The following CEACAM18 variants were observed in gnomAD, a reference collection of about 807,000 sequenced individuals.
CEACAM18 encodes the protein cell adhesion molecule CEACAM18.
CEACAM18 carries 33 observed loss-of-function variants against 34.3 expected under a neutral mutation model. The observed-to-expected ratio is 0.96, with a 90% CI of 0.73 to 1.29. The LOEUF (loss-of-function observed/expected upper bound fraction) is 1.29, where lower values mean the gene tolerates loss of function less well. Ranked by LOEUF, CEACAM18 falls within the 50% of genes most tolerant of loss-of-function variation. The pLI, the probability that CEACAM18 is intolerant of heterozygous loss-of-function variation, is 0.00. For missense variants in CEACAM18, 474 were observed against 485.0 expected, an observed-to-expected ratio of 0.98 and a Z score of 0.21; for synonymous variants, 169 against 180.9, an observed-to-expected ratio of 0.93 and a Z score of 0.53.
At chr19:51,489,446 C>A (rs1398829559) in intron 5 of CEACAM18, among the ~76,000 whole-genome samples, 1 of 151,918 alleles carries the variant, frequency 6.6e-6, no homozygotes, top group Non-Finnish European at 1.5e-5. Context: ...TGGATACCAC[C>A]CAAAAGGCAC....
intron 5 of CEACAM18, among the ~76,000 whole-genome samples, chr19:51,486,522 C>T (rs367803430): frequency 3.2e-4 from 48 of 151,444 alleles, no homozygotes; most frequent in Admixed American, 1.4e-3. Flanking sequence ...TAGGAGCAGC[C>T]GATGGAACTA....
intron 2 of CEACAM18, 140 bp from the exon 3 acceptor site, chr19:51,481,253 C>T: frequency 1.1e-6 from 1 of 910,202 alleles, no homozygotes; most frequent in East Asian, 2.6e-5. Context: ...CTGCCCTTCT[C>T]AGCTCCCTTG....
chr19:51,482,992 T>G, intron 3 of CEACAM18, 25 bp from the exon 4 acceptor site: 1 of 1,608,432 alleles, frequency 6.2e-7, no homozygotes, highest in South Asian at 1.1e-5. Context: ...AAACATAGCC[T>G]GGGCCTCCTA....
chr19:51,484,840 C>T lies in CEACAM18; in HGVS notation c.954-147C>T, dbSNP rs563812813. 6 of 990,676 alleles carry T rather than the reference C, an allele frequency of 6.1e-6. No individual in the cohort carries two copies. In the African/African-American group the frequency reaches 9.6e-5, roughly 16 times the overall value. The allele number at this position is 990,676 out of a possible 1,614,324, so 61.4% of individuals were successfully genotyped here. A position where few individuals can be genotyped will look rare whatever the true frequency, so the allele number is the denominator to read the frequency against. On this transcript the variant is annotated intron_variant, in intron 4 of 5. Transcript: ENST00000396477. ...TACAGGGAGTTTGTTTTGTTGGCTGCTGAATCCCTCGTACCTGGAACAGTG... is the reference window on the plus strand; with the variant it reads ...TACAGGGAGTTTGTTTTGTTGGCTGTTGAATCCCTCGTACCTGGAACAGTG...
chr19:51,478,609 G>A, upstream of CEACAM18: 1 of 1,572,212 alleles, frequency 6.4e-7, no homozygotes, highest in South Asian at 1.2e-5. Context: ...TGTCTCTGGA[G>A]GGACCCCTCC....
At chr19:51,484,161 T>A (rs780653957) in intron 4 of CEACAM18, among the ~76,000 whole-genome samples, 33 of 152,086 alleles carry the variant, frequency 2.2e-4, no homozygotes, top group Admixed American at 1.0e-3. Flanking sequence ...CAGAAGACAT[T>A]ACAGGATGTG....
At chr19:51,486,715 TTTTC>T (rs1416544750) in intron 5 of CEACAM18, among the ~76,000 whole-genome samples, 2 of 140,136 alleles carry the variant, frequency 1.4e-5, no homozygotes, top group Admixed American at 7.1e-5. Flanking sequence ...TCTTTCTTTC[TTTTC>T]TTTCTTTTTT....
chr19:51,480,728 G>T, intron 2 of CEACAM18, 48 bp downstream of exon 2: 2 of 1,513,294 alleles, frequency 1.3e-6, no homozygotes, highest in Non-Finnish European at 1.8e-6. Context: ...AGAGCTAGAT[G>T]TGACACATTT....
At chr19:51,480,303 C>A (rs1989887647) in intron 1 of CEACAM18, 30 bp from the exon 2 acceptor site, 1 of 1,514,030 alleles carries the variant, frequency 6.6e-7, no homozygotes, top group Non-Finnish European at 9.0e-7. Context: ...TTGTGAATTT[C>A]TCTCTGTCTT....
intron 2 of CEACAM18, 36 bp from the exon 3 acceptor site, chr19:51,481,357 C>T (rs1331190075): frequency 3.1e-6 from 5 of 1,600,902 alleles, no homozygotes; most frequent in Non-Finnish European, 4.3e-6. Flanking sequence ...AAGCAGACCC[C>T]ACTTGTAATT....
chr19:51,486,710 C>CTTTTTTTTTTTTTTTTTT (rs1327201659), intron 5 of CEACAM18, among the ~76,000 whole-genome samples: 1 of 144,436 alleles, frequency 6.9e-6, no homozygotes, highest in Non-Finnish European at 1.5e-5. Flanking sequence ...TTCTTTCTTT[C>CTTTTTTTTTTTTTTTTTT]TTTCTTTTCT....
At chr19:51,486,409 G>T (rs76296143) in intron 5 of CEACAM18, among the ~76,000 whole-genome samples, 2 of 152,088 alleles carry the variant, frequency 1.3e-5, no homozygotes, top group African/African-American at 2.4e-5. Context: ...TAGACCAAGG[G>T]TGCAGCTGGG....
At chr19:51,487,817 G>A (rs375038195) in intron 5 of CEACAM18, among the ~76,000 whole-genome samples, 1 of 152,134 alleles carries the variant, frequency 6.6e-6, no homozygotes. Context: ...TGAAGAAAAG[G>A]CCTGTAACAT....
chr19:51,488,903 C>T (rs1388279391), intron 5 of CEACAM18, among the ~76,000 whole-genome samples: 1 of 151,958 alleles, frequency 6.6e-6, no homozygotes, highest in Non-Finnish European at 1.5e-5. Context: ...TTACGACTAT[C>T]TTGATATAAA....
At chr19:51,480,008 C>T (rs1193107333) in intron 1 of CEACAM18, among the ~76,000 whole-genome samples, 1 of 152,110 alleles carries the variant, frequency 6.6e-6, no homozygotes, top group Non-Finnish European at 1.5e-5. Context: ...ACTGGGGAGC[C>T]ATGGAAGGTG....
chr19:51,487,360 A>G (rs1990021938), intron 5 of CEACAM18, among the ~76,000 whole-genome samples: 1 of 152,060 alleles, frequency 6.6e-6, no homozygotes, highest in East Asian at 1.9e-4. Context: ...CTGGAGTTCC[A>G]GCTACTCAGG....
chr19:51,483,120 C>A, exon 4 of CEACAM18: 1 of 1,614,018 alleles, frequency 6.2e-7, no homozygotes, highest in Non-Finnish European at 8.5e-7. Context: ...TCTGCTATTC[C>A]TTCCTGGATC....
exon 3 of CEACAM18, chr19:51,481,570 T>C: frequency 6.2e-7 from 1 of 1,614,012 alleles, no homozygotes; most frequent in Non-Finnish European, 8.5e-7. Flanking sequence ...CTCGTCATCC[T>C]CAGGGTCAGC....
exon 6 of CEACAM18, chr19:51,490,819 G>T (rs2122197613): frequency 2.5e-6 from 1 of 398,734 alleles, no homozygotes; most frequent in Admixed American, 4.4e-5. Context: ...CCCGGGACCT[G>T]AAGATGATGT....
Sources: gnomAD v4.1 joint callset for allele counts (sites outside exome capture counted in the v4.1 genomes callset) on GRCh38, gnomAD v4.1.1 for gene constraint, MANE v1.5 for transcripts, NCBI Gene and HGNC (gene_info 2026-07-23, HGNC 2026-07-21) for gene names.